TOX: variants seen among roughly 807,000 people sequenced by gnomAD.
TOX encodes the protein thymocyte selection-associated high mobility group box protein TOX.
TOX carries 11 observed loss-of-function variants against 53.7 expected under a neutral mutation model. The ratio of observed to expected loss-of-function variants is 0.20; its 90% CI spans 0.13 to 0.34. The LOEUF (loss-of-function observed/expected upper bound fraction) is 0.34. Among genes scored for constraint, TOX ranks in the 10% least tolerant of loss-of-function variants. The probability of loss-of-function intolerance (pLI) is 1.00; values close to 1 mark genes in which losing one functional copy is unlikely to be tolerated. For missense variants in TOX, 570 were observed against 664.6 expected, an observed-to-expected ratio of 0.86 and a Z score of 1.56; for synonymous variants, 225 against 245.3, an observed-to-expected ratio of 0.92 and a Z score of 0.77.
chr8:59,012,368 C>T (rs957338990), intron 1 of TOX, among the ~76,000 whole-genome samples: 6 of 151,830 alleles, frequency 4.0e-5, no homozygotes, highest in Non-Finnish European at 8.8e-5. Flanking sequence ...TGTTGGGGAG[C>T]AACTCAACCA....
intron 1 of TOX, among the ~76,000 whole-genome samples, chr8:58,993,186 G>A (rs749669608): frequency 3.9e-5 from 6 of 152,160 alleles, no homozygotes; most frequent in Non-Finnish European, 8.8e-5. Flanking sequence ...TCCTAGCAAT[G>A]AGGACTCCAG....
At chr8:58,993,905 C>T (rs137905732) in intron 1 of TOX, among the ~76,000 whole-genome samples, 81 of 136,090 alleles carry the variant, frequency 6.0e-4, no homozygotes, top group African/African-American at 2.0e-3. Context: ...AAGCATTCCC[C>T]GAATGGCTGA....
chr8:58,830,750 AT>A (rs1435534838), intron 5 of TOX, among the ~76,000 whole-genome samples: 2 of 152,162 alleles, frequency 1.3e-5, no homozygotes, highest in African/African-American at 4.8e-5. Context: ...AAAATGTAAA[AT>A]TCTTCCAATT....
intron 2 of TOX, among the ~76,000 whole-genome samples, chr8:58,950,253 TA>T (rs1222554549): frequency 1.3e-5 from 2 of 152,164 alleles, no homozygotes. Context: ...TATATACATA[TA>T]AAAATACATG....
intron 3 of TOX, among the ~76,000 whole-genome samples, chr8:58,902,156 C>T (rs757429569): frequency 2.6e-5 from 4 of 152,066 alleles, no homozygotes; most frequent in Admixed American, 1.3e-4. Flanking sequence ...ACTATCATTA[C>T]GAGTATGCTT....
intron 1 of TOX, among the ~76,000 whole-genome samples, chr8:59,072,684 G>A (rs1309431691): frequency 1.3e-5 from 2 of 152,002 alleles, no homozygotes; most frequent in Non-Finnish European, 2.9e-5. Flanking sequence ...TCTTACATTT[G>A]GAAACATGAC....
At position 58,808,140 on chromosome 8, in the gene TOX, T is replaced by C. The variant is rs1810018327; in HGVS notation, c.1522A>G (p.Asn508Asp). The change falls in exon 8 of 9, where the codon AAT becomes GAT. Residue 508 changes from asparagine (N) to aspartate (D), a missense_variant. Around this residue, in one of 3 missense-constraint regions of TOX, gnomAD observed 239 missense variants for 250.7 expected, o/e 0.95. Coordinates refer to ENST00000361421, the MANE Select transcript of TOX (RefSeq NM_014729.3). ...TACCCACTACTGCAGTAGTCGTTAT[T>C]CCAGTCCACCGGTTGTGGGGGAGGA... is the stretch of plus-strand genomic sequence containing the variant. ...RNPPPQPVDW[N>D]NDYCSSGGMQ... 6.2e-7 allele frequency: 1 copy of C among 1,613,510 alleles called. No individual in the cohort carries two copies. The highest frequency in any genetic ancestry group is 8.5e-7 in the Non-Finnish European group (1 of 1,179,802).
chr8:59,041,095 T>TGC (rs1803580477), intron 1 of TOX, among the ~76,000 whole-genome samples: 1 of 151,812 alleles, frequency 6.6e-6, no homozygotes, highest in South Asian at 2.1e-4. Flanking sequence ...TGTGTGTGTG[T>TGC]GTGTGTGTGT....
intron 3 of TOX, among the ~76,000 whole-genome samples, chr8:58,883,058 A>C (rs1217624090): frequency 6.6e-6 from 1 of 152,136 alleles, no homozygotes; most frequent in East Asian, 1.9e-4. Context: ...TTGTTTTTTT[A>C]ATTCTATTTT....
At chr8:58,926,343 G>A (rs1812159360) in intron 3 of TOX, among the ~76,000 whole-genome samples, 1 of 152,124 alleles carries the variant, frequency 6.6e-6, no homozygotes, top group African/African-American at 2.4e-5. Context: ...CTGAGCCCAT[G>A]GGGGGACATG....
chr8:58,876,785 G>T (rs1370116556), intron 3 of TOX, among the ~76,000 whole-genome samples: 1 of 152,156 alleles, frequency 6.6e-6, no homozygotes, highest in Non-Finnish European at 1.5e-5. Context: ...TATTCGTGGA[G>T]TGCCTATTAC....
chr8:59,099,115 T>C (rs1235558687), intron 1 of TOX, among the ~76,000 whole-genome samples: 2 of 152,226 alleles, frequency 1.3e-5, no homozygotes, highest in Non-Finnish European at 2.9e-5. Context: ...GTAATAGAGA[T>C]GACACTCCGC....
chr8:58,946,166 T>G (rs778967185), intron 2 of TOX, among the ~76,000 whole-genome samples: 3 of 152,184 alleles, frequency 2.0e-5, no homozygotes, highest in Non-Finnish European at 4.4e-5. Context: ...AACTTAAGGA[T>G]AGAAGAATGC....
intron 1 of TOX, among the ~76,000 whole-genome samples, chr8:59,009,509 A>T (rs1813859694): frequency 6.6e-6 from 1 of 151,964 alleles, no homozygotes; most frequent in Middle Eastern, 3.2e-3. Flanking sequence ...AGTAGCTGGG[A>T]CTACAGAAGT....
chr8:59,086,484 T>C (rs1285518912), intron 1 of TOX, among the ~76,000 whole-genome samples: 1 of 152,188 alleles, frequency 6.6e-6, no homozygotes, highest in East Asian at 1.9e-4. Context: ...CCATCATCAG[T>C]ATATAAAGTA....
intron 1 of TOX, among the ~76,000 whole-genome samples, chr8:58,967,529 A>C (rs1170706557): frequency 6.6e-6 from 1 of 152,114 alleles, no homozygotes; most frequent in African/African-American, 2.4e-5. Flanking sequence ...CCACAGCTAC[A>C]AACCAAGGTG....
intron 1 of TOX, among the ~76,000 whole-genome samples, chr8:58,979,846 T>C (rs1262307902): frequency 2.6e-5 from 4 of 152,176 alleles, no homozygotes; most frequent in Admixed American, 2.0e-4. Flanking sequence ...GGGGAGACAA[T>C]AGTGCCTATC....
chr8:58,827,443 C>T (rs1810384157), intron 5 of TOX, among the ~76,000 whole-genome samples: 1 of 152,148 alleles, frequency 6.6e-6, no homozygotes, highest in Non-Finnish European at 1.5e-5. Flanking sequence ...TTTTCAAAGA[C>T]TCAGGAAACA....
At chr8:58,925,078 G>T (rs1187476411) in intron 3 of TOX, among the ~76,000 whole-genome samples, 1 of 152,134 alleles carries the variant, frequency 6.6e-6, no homozygotes, top group Non-Finnish European at 1.5e-5. Context: ...CGGCCTGCCT[G>T]CACCTCTCAC....
Sources: gnomAD v4.1 joint callset for allele counts (sites outside exome capture counted in the v4.1 genomes callset) on GRCh38, gnomAD v4.1.1 for gene constraint, gnomAD v4.1.1 regional missense constraint, MANE v1.5 for transcripts, NCBI Gene and HGNC (gene_info 2026-07-23, HGNC 2026-07-21) for gene names.